The following TRABD2B variants were observed in gnomAD, a reference collection of about 807,000 sequenced individuals.
TRABD2B encodes metalloprotease TIKI2.
A neutral mutation model predicts 40.1 loss-of-function variants in TRABD2B; 14 were observed. The ratio of observed to expected loss-of-function variants is 0.35; its 90% CI spans 0.23 to 0.55. The LOEUF (loss-of-function observed/expected upper bound fraction) is 0.55. Among genes scored for constraint, TRABD2B ranks in the 20% least tolerant of loss-of-function variants. The pLI, the probability that TRABD2B is intolerant of heterozygous loss-of-function variation, is 0.90. For synonymous variants in TRABD2B, 263 were observed against 277.0 expected (o/e 0.95, Z 0.50); for missense variants, 541 against 648.6 (o/e 0.83, Z 1.80).
intron 2 of TRABD2B, among the ~76,000 whole-genome samples, chr1:47,950,081 C>T (rs1014471585): frequency 2.0e-5 from 3 of 152,026 alleles, no homozygotes; most frequent in South Asian, 2.1e-4. Context: ...GTCAGGAGAT[C>T]GAGACCATCC....
intron 2 of TRABD2B, among the ~76,000 whole-genome samples, chr1:47,968,758 T>G (rs935613872): frequency 8.5e-5 from 13 of 152,216 alleles, no homozygotes; most frequent in Non-Finnish European, 1.6e-4. Context: ...ACAGCACACA[T>G]TACCTTCCAA....
intron 2 of TRABD2B, among the ~76,000 whole-genome samples, chr1:47,929,513 G>C (rs1364641246): frequency 6.6e-6 from 1 of 152,186 alleles, no homozygotes; most frequent in African/African-American, 2.4e-5. Context: ...CATTGCATCA[G>C]CACTTGCTGG....
chr1:47,774,081 AGCT>A (rs1644411217), intron 6 of TRABD2B, among the ~76,000 whole-genome samples: 1 of 152,162 alleles, frequency 6.6e-6, no homozygotes, highest in Admixed American at 6.5e-5. Flanking sequence ...GGCTTCCCAC[AGCT>A]GCTCAGAAGA....
intron 1 of TRABD2B, among the ~76,000 whole-genome samples, chr1:47,995,382 G>A (rs954203983): frequency 2.0e-5 from 3 of 152,146 alleles, no homozygotes; most frequent in African/African-American, 7.2e-5. Flanking sequence ...TTAGTCCCAA[G>A]AAATGTACAT....
chr1:47,802,924 G>C (rs896580514), intron 2 of TRABD2B, among the ~76,000 whole-genome samples: 8 of 151,978 alleles, frequency 5.3e-5, no homozygotes, highest in African/African-American at 1.9e-4. Flanking sequence ...AGCCTCCAAG[G>C]CAGTAACCTG....
intron 2 of TRABD2B, among the ~76,000 whole-genome samples, chr1:47,972,237 C>T (rs1179639401): frequency 1.3e-5 from 2 of 152,232 alleles, no homozygotes; most frequent in Non-Finnish European, 2.9e-5. Context: ...TGGTCCCCCA[C>T]TACCCATGGG....
intron 2 of TRABD2B, among the ~76,000 whole-genome samples, chr1:47,912,080 G>A (rs1644770457): frequency 6.6e-6 from 1 of 152,222 alleles, no homozygotes; most frequent in East Asian, 1.9e-4. Flanking sequence ...TCTCTTGGAG[G>A]AGGGGGCTGA....
chr1:47,987,475 T>G (rs960234095), intron 2 of TRABD2B, among the ~76,000 whole-genome samples: 20 of 152,152 alleles, frequency 1.3e-4, no homozygotes, highest in African/African-American at 4.8e-4. Context: ...GCTGTGAACT[T>G]CCAATTCTGA....
chr1:47,965,220 G>A (rs1645583473), intron 2 of TRABD2B, among the ~76,000 whole-genome samples: 1 of 111,564 alleles, frequency 9.0e-6, no homozygotes, highest in Non-Finnish European at 1.9e-5. Context: ...GTGGAGGGGG[G>A]GGTGGGGGGG....
intron 4 of TRABD2B, among the ~76,000 whole-genome samples, chr1:47,792,790 G>A (rs1157163797): frequency 6.6e-6 from 1 of 152,066 alleles, no homozygotes; most frequent in Admixed American, 6.5e-5. Flanking sequence ...TACTCAGGTG[G>A]GGTGTGTAGA....
intron 2 of TRABD2B, among the ~76,000 whole-genome samples, chr1:47,928,070 G>T (rs1447826042): frequency 1.3e-5 from 2 of 152,144 alleles, no homozygotes; most frequent in Non-Finnish European, 2.9e-5. Context: ...GTGATCCGTG[G>T]GCACAGTAAA....
chr1:47,831,170 T>C (rs1645243142), intron 2 of TRABD2B, among the ~76,000 whole-genome samples: 1 of 152,030 alleles, frequency 6.6e-6, no homozygotes, highest in Non-Finnish European at 1.5e-5. Context: ...TCTAATTGTC[T>C]GGAGACGGGG....
intron 2 of TRABD2B, among the ~76,000 whole-genome samples, chr1:47,894,337 A>G (rs1644488960): frequency 6.6e-6 from 1 of 152,160 alleles, no homozygotes; most frequent in Non-Finnish European, 1.5e-5. Context: ...TGAGTTTGGG[A>G]GGATTAAATA....
intron 2 of TRABD2B, among the ~76,000 whole-genome samples, chr1:47,810,065 CAAG>C (rs1426987497): frequency 6.6e-6 from 1 of 151,842 alleles, no homozygotes; most frequent in African/African-American, 2.4e-5. Context: ...CATAAAGAAA[CAAG>C]AAGTAAACCA....
chr1:47,986,106 A>G (rs1248074858), intron 2 of TRABD2B, among the ~76,000 whole-genome samples: 8 of 152,340 alleles, frequency 5.3e-5, no homozygotes, highest in African/African-American at 1.7e-4. Flanking sequence ...CCTGGAGAAG[A>G]TCATGTGTGC....
At chr1:47,869,739 T>C (rs1644114709) in intron 2 of TRABD2B, among the ~76,000 whole-genome samples, 1 of 152,208 alleles carries the variant, frequency 6.6e-6, no homozygotes, top group South Asian at 2.1e-4. Context: ...CGCATTGCCT[T>C]TGAGCACAGG....
intron 4 of TRABD2B, among the ~76,000 whole-genome samples, chr1:47,790,844 T>G (rs2124189839): frequency 1.3e-5 from 2 of 152,338 alleles, no homozygotes; most frequent in Admixed American, 1.3e-4. Context: ...CCTTCCACCA[T>G]GGAAGAGCAT....
chr1:47,896,972 T>G (rs1570240044), intron 2 of TRABD2B, among the ~76,000 whole-genome samples: 1 of 152,326 alleles, frequency 6.6e-6, no homozygotes, highest in East Asian at 1.9e-4. Context: ...TGTGGGATAT[T>G]CAGCATGCAA....
At chr1:47,985,484 A>G (rs1208919461) in intron 2 of TRABD2B, among the ~76,000 whole-genome samples, 1 of 152,240 alleles carries the variant, frequency 6.6e-6, no homozygotes, top group African/African-American at 2.4e-5. Context: ...AGGTTCTCCC[A>G]AGGAAACCAC....
Sources: gnomAD v4.1 joint callset for allele counts (sites outside exome capture counted in the v4.1 genomes callset) on GRCh38, gnomAD v4.1.1 for gene constraint, MANE v1.5 for transcripts, NCBI Gene and HGNC (gene_info 2026-07-23, HGNC 2026-07-21) for gene names.